The following MARCHF8 variants were observed in gnomAD, a reference collection of about 807,000 sequenced individuals.
The protein encoded by MARCHF8 is E3 ubiquitin-protein ligase MARCHF8.
Under a neutral mutation model 51.6 loss-of-function variants are expected in MARCHF8, and 40 were observed. The observed-to-expected ratio is 0.77, with a 90% confidence interval of 0.60 to 1.01. MARCHF8 has a LOEUF of 1.01. Among genes scored for constraint, MARCHF8 ranks in the 50% least tolerant of loss-of-function variants. The pLI is 0.00. For synonymous variants in MARCHF8, 263 were observed against 280.3 expected (o/e 0.94, Z 0.62); for missense variants, 685 against 708.6 (o/e 0.97, Z 0.38).
intron 1 of MARCHF8, among the ~76,000 whole-genome samples, chr10:45,580,206 G>A (rs1402310915): frequency 6.6e-6 from 1 of 151,634 alleles, no homozygotes; most frequent in Non-Finnish European, 1.5e-5. Flanking sequence ...ACCACAAAAC[G>A]CAATATGCAG....
chr10:45,513,431 C>T lies in MARCHF8; in HGVS notation c.102+19679G>A, dbSNP rs1322397880. Among the ~76,000 whole-genome samples, 5 of 152,012 alleles carry T rather than the reference C, an allele frequency of 3.3e-5. No individual in the cohort carries two copies. In the East Asian group the frequency reaches 5.8e-4, roughly 18 times the overall value. On this transcript the variant is annotated intron_variant, in intron 2 of 7. Transcript: ENST00000453424. ...AATGATGAGTGAACAAAACAAAGAT[C>T]CCTGCTGTTGTAGAGCTTATGAAAA...
intron 1 of MARCHF8, among the ~76,000 whole-genome samples, chr10:45,558,514 G>A (rs1013820634): frequency 3.9e-5 from 6 of 152,230 alleles, no homozygotes; most frequent in Non-Finnish European, 8.8e-5. Flanking sequence ...TCAGCAGCAC[G>A]GAAAGCAGCA....
At chr10:45,484,856 T>C (rs889782969) in intron 3 of MARCHF8, among the ~76,000 whole-genome samples, 4 of 152,130 alleles carry the variant, frequency 2.6e-5, no homozygotes, top group Non-Finnish European at 4.4e-5. Flanking sequence ...CAAGGGGATA[T>C]TGCACAGGAT....
At chr10:45,489,060 T>C (rs1409751093) in intron 3 of MARCHF8, among the ~76,000 whole-genome samples, 1 of 152,172 alleles carries the variant, frequency 6.6e-6, no homozygotes, top group African/African-American at 2.4e-5. Context: ...TTACTTTCAG[T>C]CAAATATATT....
intron 1 of MARCHF8, among the ~76,000 whole-genome samples, chr10:45,541,121 GTA>G (rs2044046030): frequency 6.6e-6 from 1 of 152,148 alleles, no homozygotes; most frequent in Non-Finnish European, 1.5e-5. Flanking sequence ...ACATGCACAC[GTA>G]TGTTTATTGC....
intron 1 of MARCHF8, among the ~76,000 whole-genome samples, chr10:45,574,178 C>T (rs959224461): frequency 1.3e-5 from 2 of 152,112 alleles, no homozygotes; most frequent in Non-Finnish European, 2.9e-5. Context: ...CACCCTTACC[C>T]CACTTAATGC....
intron 2 of MARCHF8, among the ~76,000 whole-genome samples, chr10:45,528,630 T>G (rs769905868): frequency 7.9e-5 from 12 of 152,182 alleles, no homozygotes; most frequent in Non-Finnish European, 1.5e-4. Flanking sequence ...CCAGCTAATT[T>G]TTGTATTTTT....
intron 2 of MARCHF8, among the ~76,000 whole-genome samples, chr10:45,492,330 C>G (rs1166689684): frequency 6.6e-6 from 1 of 151,428 alleles, no homozygotes; most frequent in Non-Finnish European, 1.5e-5. Context: ...CGTAGTCTCG[C>G]TCTGTCGCCC....
chr10:45,531,603 T>C (rs969531043), intron 2 of MARCHF8, among the ~76,000 whole-genome samples: 1 of 151,148 alleles, frequency 6.6e-6, no homozygotes, highest in African/African-American at 2.4e-5. Context: ...CACAGTGACA[T>C]GACCCATATC....
intron 3 of MARCHF8, among the ~76,000 whole-genome samples, chr10:45,472,988 C>T (rs2132994422): frequency 6.6e-6 from 1 of 152,302 alleles, no homozygotes; most frequent in South Asian, 2.1e-4. Context: ...TTATTTGTAA[C>T]CCATAAGTTT....
At position 45,470,695 on chromosome 10, in the gene MARCHF8, G is replaced by A. The variant is rs534172343; in HGVS notation, c.154-6368C>T. Among the ~76,000 whole-genome samples, 8 of 152,216 alleles carry A rather than the reference G, an allele frequency of 5.3e-5. No individual in the cohort carries two copies. The East Asian group carries it at 7.7e-4, about 15-fold the overall frequency. On this transcript the variant is annotated intron_variant, in intron 3 of 7. Coordinates refer to ENST00000453424, the MANE Select transcript of MARCHF8 (RefSeq NM_001282866.2). ...GCTTCCTGCTCATGAGATTGCTAGC[G>A]GTTACTGCCCTCCCACTTCCAAACT...
At chr10:45,487,881 A>G (rs1267367786) in intron 3 of MARCHF8, among the ~76,000 whole-genome samples, 2 of 152,078 alleles carry the variant, frequency 1.3e-5, no homozygotes, top group East Asian at 3.9e-4. Flanking sequence ...GACAGCAGAT[A>G]GACTTTGTCA....
At chr10:45,574,968 C>CAAA (rs34058982) in intron 1 of MARCHF8, among the ~76,000 whole-genome samples, 1 of 136,406 alleles carries the variant, frequency 7.3e-6, no homozygotes, top group African/African-American at 2.6e-5. Flanking sequence ...GTTATATAGG[C>CAAA]AAAAAAAAAA....
At chr10:45,502,479 A>C (rs2043298685) in intron 2 of MARCHF8, among the ~76,000 whole-genome samples, 1 of 152,214 alleles carries the variant, frequency 6.6e-6, no homozygotes, top group Admixed American at 6.5e-5. Context: ...AATGAACTAC[A>C]AGAAACCTAT....
chr10:45,553,054 A>G (rs1210313514), intron 1 of MARCHF8: 1 of 152,052 alleles, frequency 6.6e-6, no homozygotes, highest in Non-Finnish European at 1.5e-5. Context: ...AACAACTATA[A>G]AAGACTAGAA....
chr10:45,468,647 C>G (rs1364562479), intron 3 of MARCHF8, among the ~76,000 whole-genome samples: 1 of 152,166 alleles, frequency 6.6e-6, no homozygotes, highest in Non-Finnish European at 1.5e-5. Flanking sequence ...GCCAGAAGAG[C>G]TCATGTTTAC....
intron 3 of MARCHF8, among the ~76,000 whole-genome samples, chr10:45,485,558 T>G (rs1382818163): frequency 3.3e-5 from 5 of 152,184 alleles, no homozygotes; most frequent in African/African-American, 1.2e-4. Flanking sequence ...CTCATAAACA[T>G]CTCATCCAAC....
chr10:45,553,436 TC>T lies in MARCHF8; in HGVS notation c.-78-20148del, dbSNP rs752694918. Among the ~76,000 whole-genome samples, 5 of 152,292 alleles carry T rather than the reference TC, an allele frequency of 3.3e-5. No homozygotes were observed. In the South Asian group the frequency reaches 6.2e-4, roughly 19 times the overall value. ...ACTGGCCTTTTGCATCCTCCACTATTCCCAGAACAATCCATCAGTAGCAGTA... is the reference window on the plus strand; with the variant it reads ...ACTGGCCTTTTGCATCCTCCACTATTCCAGAACAATCCATCAGTAGCAGTA... On this transcript the variant is annotated intron_variant, in intron 1 of 6. Transcript: ENST00000319836.
At chr10:45,585,423 C>T (rs1428489757) in intron 1 of MARCHF8, among the ~76,000 whole-genome samples, 1 of 152,030 alleles carries the variant, frequency 6.6e-6, no homozygotes, top group African/African-American at 2.4e-5. Flanking sequence ...TACGGCCATA[C>T]AAAAATATGA....
Sources: gnomAD v4.1 joint callset for allele counts (sites outside exome capture counted in the v4.1 genomes callset) on GRCh38, gnomAD v4.1.1 for gene constraint, MANE v1.5 for transcripts, NCBI Gene and HGNC (gene_info 2026-07-23, HGNC 2026-07-21) for gene names.